The following SMPD3 variants were observed in gnomAD, a reference collection of about 807,000 sequenced individuals.
SMPD3 encodes the protein sphingomyelin phosphodiesterase 3.
SMPD3 carries 21 observed loss-of-function variants against 55.7 expected under a neutral mutation model. The ratio of observed to expected loss-of-function variants is 0.38; its 90% CI spans 0.27 to 0.54. The LOEUF is 0.54. Among genes scored for constraint, SMPD3 ranks in the 20% least tolerant of loss-of-function variants. The pLI is 0.80. For synonymous variants in SMPD3, 457 were observed against 404.3 expected, an observed-to-expected ratio of 1.13 and a Z score of -1.56; for missense variants, 842 against 899.6, an observed-to-expected ratio of 0.94 and a Z score of 0.82.
intron 1 of SMPD3, among the ~76,000 whole-genome samples, chr16:68,429,472 G>A (rs1448570540): frequency 3.3e-5 from 5 of 152,202 alleles, no homozygotes; most frequent in Non-Finnish European, 7.3e-5. Flanking sequence ...GGGGCACAGC[G>A]CTTCAAGCCT....
intron 1 of SMPD3, among the ~76,000 whole-genome samples, chr16:68,409,104 C>T (rs1271727921): frequency 6.6e-6 from 1 of 152,190 alleles, no homozygotes; most frequent in East Asian, 1.9e-4. Context: ...ATCTATTCTC[C>T]CAGCAGGCTT....
chr16:68,386,190 C>T (rs1348846063), intron 2 of SMPD3, among the ~76,000 whole-genome samples: 1 of 151,604 alleles, frequency 6.6e-6, no homozygotes, highest in Admixed American at 6.6e-5. Context: ...CCACTGCACT[C>T]CAGCCCCAGA....
In SMPD3 at chr16:68,358,544, C is replaced by T. The variant is rs2088980968; in HGVS notation, c.*2662G>A. The T allele has an allele frequency of 6.6e-6, 1 of 152,520 alleles. No individual in the cohort carries two copies. Among genetic ancestry groups the T allele is most frequent in the Non-Finnish European group, 1.5e-5 (1 of 68,034 alleles). 9.4% of individuals were successfully genotyped at this position (152,520 alleles called of 1,614,324 possible). A position where few individuals can be genotyped will look rare whatever the true frequency, so the allele number is the denominator to read the frequency against. ...CCTAATGTCCCATGAAGATACAATACAGAAAAAAATACAGAAATTAAAAAA... is the reference window on the plus strand; with the variant it reads ...CCTAATGTCCCATGAAGATACAATATAGAAAAAAATACAGAAATTAAAAAA... On this transcript the variant is annotated 3_prime_UTR_variant, in exon 9 of 9. Transcript: ENST00000219334.
intron 3 of SMPD3, chr16:68,369,855 G>T (rs746343658): frequency 1.3e-5 from 2 of 152,286 alleles, no homozygotes; most frequent in Non-Finnish European, 2.9e-5. Flanking sequence ...TTGCGCACCA[G>T]TGTTTCCCTG....
chr16:68,399,615 C>A (rs2090189782), intron 1 of SMPD3, among the ~76,000 whole-genome samples: 1 of 152,178 alleles, frequency 6.6e-6, no homozygotes, highest in Admixed American at 6.5e-5. Flanking sequence ...TCCCTAGAGG[C>A]AGCTGATGCA....
At chr16:68,415,701 C>G (rs927532679) in intron 1 of SMPD3, among the ~76,000 whole-genome samples, 6 of 151,348 alleles carry the variant, frequency 4.0e-5, no homozygotes, top group Admixed American at 2.0e-4. Flanking sequence ...ACATGAGGTT[C>G]TATTTTACTA....
intron 1 of SMPD3, among the ~76,000 whole-genome samples, chr16:68,443,007 C>A (rs528866874): frequency 7.9e-5 from 12 of 152,298 alleles, no homozygotes; most frequent in African/African-American, 2.9e-4. Context: ...AAAAGTCTAA[C>A]CCCTTATCTG....
intron 1 of SMPD3, among the ~76,000 whole-genome samples, chr16:68,431,711 C>T (rs2090480996): frequency 6.6e-6 from 1 of 152,198 alleles, no homozygotes; most frequent in African/African-American, 2.4e-5. Flanking sequence ...CACTTGAGGT[C>T]AGGAGTTCAA....
chr16:68,358,835 T>TA lies in SMPD3; in HGVS notation c.*2370dup, dbSNP rs915610085. On this transcript the variant is annotated 3_prime_UTR_variant, in exon 9 of 9. Coordinates refer to ENST00000219334, the MANE Select transcript of SMPD3 (RefSeq NM_018667.4). ...TCTGAGATCCAGCAATGGTTCACTTTAAAAAATCAGTGGAAGGGCCTGGCC... is the reference window on the plus strand; with the variant it reads ...TCTGAGATCCAGCAATGGTTCACTTTAAAAAAATCAGTGGAAGGGCCTGGCC... 3.9e-5 allele frequency: 6 copies of TA among 152,488 alleles called. No individual in the cohort carries two copies. The highest frequency in any genetic ancestry group is 3.8e-4 in the East Asian group (2 of 5,302). 9.4% of individuals were successfully genotyped at this position (152,488 alleles called of 1,614,324 possible).
chr16:68,408,371 G>A (rs1179963240), intron 1 of SMPD3, among the ~76,000 whole-genome samples: 1 of 152,182 alleles, frequency 6.6e-6, no homozygotes, highest in Non-Finnish European at 1.5e-5. Context: ...GAGCTATGAG[G>A]AATATTCTGC....
intron 1 of SMPD3, among the ~76,000 whole-genome samples, chr16:68,431,310 T>G (rs1326557546): frequency 2.6e-5 from 4 of 152,230 alleles, no homozygotes; most frequent in Non-Finnish European, 5.9e-5. Flanking sequence ...TTACTAATGA[T>G]AAGACAATAA....
intron 1 of SMPD3, among the ~76,000 whole-genome samples, chr16:68,438,200 G>A (rs897097823): frequency 6.6e-6 from 1 of 152,152 alleles, no homozygotes; most frequent in Non-Finnish European, 1.5e-5. Flanking sequence ...CTTGGGTTTG[G>A]GCACTGCAGC....
chr16:68,362,980 G>A (rs1399310284), intron 7 of SMPD3, among the ~76,000 whole-genome samples: 1 of 152,236 alleles, frequency 6.6e-6, no homozygotes, highest in Non-Finnish European at 1.5e-5. Flanking sequence ...TGGCCTCTCA[G>A]ATGTGTTCTT....
intron 1 of SMPD3, among the ~76,000 whole-genome samples, chr16:68,431,944 CA>C (rs934417151): frequency 1.3e-5 from 2 of 148,482 alleles, no homozygotes; most frequent in East Asian, 2.0e-4. Context: ...CAAAACAAAA[CA>C]AAAAAACCCA....
intron 1 of SMPD3, among the ~76,000 whole-genome samples, chr16:68,395,731 G>T (rs1276073390): frequency 6.6e-6 from 1 of 152,186 alleles, no homozygotes; most frequent in Non-Finnish European, 1.5e-5. Flanking sequence ...CAAGGGAAAA[G>T]TAAAATCTAG....
intron 2 of SMPD3, among the ~76,000 whole-genome samples, chr16:68,382,362 G>A (rs1213004168): frequency 1.3e-5 from 2 of 152,218 alleles, no homozygotes; most frequent in Non-Finnish European, 2.9e-5. Flanking sequence ...AGCTGACAGT[G>A]CACCCAGGGC....
At chr16:68,444,455 C>A (rs180944140) in intron 1 of SMPD3, among the ~76,000 whole-genome samples, 4 of 152,186 alleles carry the variant, frequency 2.6e-5, no homozygotes, top group African/African-American at 9.7e-5. Flanking sequence ...TTCTAAGGAG[C>A]CTCTCAGAAC....
chr16:68,431,579 A>G (rs997647563), intron 1 of SMPD3, among the ~76,000 whole-genome samples: 25 of 152,298 alleles, frequency 1.6e-4, no homozygotes, highest in Non-Finnish European at 2.6e-4. Context: ...AATAACTGCT[A>G]TGTTTACTGA....
intron 1 of SMPD3, among the ~76,000 whole-genome samples, chr16:68,443,597 C>T (rs998645211): frequency 6.6e-6 from 1 of 152,062 alleles, no homozygotes; most frequent in African/African-American, 2.4e-5. Flanking sequence ...TGGAAAGAAA[C>T]CCCTGGGCTA....
Sources: allele counts gnomAD v4.1 joint callset (sites outside exome capture counted in the v4.1 genomes callset), GRCh38; gene constraint gnomAD v4.1.1; transcripts MANE v1.5; gene names NCBI Gene and HGNC (gene_info 2026-07-23, HGNC 2026-07-21).